Variants in XYLT1 observed in about 807,000 individuals in gnomAD.
XYLT1 encodes the protein beta-D-xylosyltransferase 1.
XYLT1 carries 36 observed loss-of-function variants against 91.3 expected under a neutral mutation model. That is an observed-to-expected ratio of 0.39 (90% CI 0.30 to 0.52). The LOEUF is 0.52. Ranked by LOEUF, XYLT1 falls within the 20% of genes least tolerant of loss-of-function variation. The probability of loss-of-function intolerance (pLI) is 0.68; values close to 1 mark genes in which losing one functional copy is unlikely to be tolerated. For missense variants in XYLT1, 1,242 were observed against 1,284.5 expected, an observed-to-expected ratio of 0.97 and a Z score of 0.51; for synonymous variants, 588 against 532.0, an observed-to-expected ratio of 1.11 and a Z score of -1.45.
chr16:17,264,686 T>G (rs989548150), intron 2 of XYLT1, among the ~76,000 whole-genome samples: 1 of 152,194 alleles, frequency 6.6e-6, no homozygotes, highest in African/African-American at 2.4e-5. Context: ...AAGTGGCCCA[T>G]GCTCTGTGTC....
At chr16:17,428,465 A>G (rs192137611) in intron 1 of XYLT1, among the ~76,000 whole-genome samples, 478 of 152,292 alleles carry the variant, frequency 3.1e-3, no homozygotes, top group Admixed American at 5.9e-3. Context: ...CTGTTGAGAG[A>G]ATTAAGAGAT....
At chr16:17,233,807 T>C (rs547100920) in intron 3 of XYLT1, among the ~76,000 whole-genome samples, 21 of 152,300 alleles carry the variant, frequency 1.4e-4, no homozygotes, top group African/African-American at 5.1e-4. Context: ...ACTCCAGGCA[T>C]TGACATCCTG....
chr16:17,326,808 G>C (rs2034809710), intron 2 of XYLT1, among the ~76,000 whole-genome samples: 1 of 151,244 alleles, frequency 6.6e-6, no homozygotes, highest in African/African-American at 2.4e-5. Flanking sequence ...CTGGGTGACA[G>C]AGTGAGACTC....
In XYLT1 at chr16:17,259,142, C is replaced by T; in HGVS notation, c.759G>A (p.Gln253=). Reference sequence around the variant, plus strand: ...TGCCTGAGATGTCACACTTAGGGGGCTGGTCATACTTGGTCTCGGGGGAGC... The same window carrying T: ...TGCCTGAGATGTCACACTTAGGGGGTTGGTCATACTTGGTCTCGGGGGAGC... ...GGSSPETKYD[Q]PPKCDISGKE... is the part of the protein sequence containing the mutation. The change falls in exon 3 of 12, where the codon CAG becomes CAA. Residue 253 remains glutamine, a synonymous_variant. Coordinates refer to ENST00000261381, the MANE Select transcript of XYLT1 (RefSeq NM_022166.4). 4 of 1,591,628 alleles carry T rather than the reference C, an allele frequency of 2.5e-6. No individual in the cohort carries two copies. The highest frequency in any genetic ancestry group is 1.7e-4 in the Middle Eastern group (1 of 5,876).
intron 5 of XYLT1, among the ~76,000 whole-genome samples, chr16:17,181,556 T>C (rs1359628848): frequency 6.6e-6 from 1 of 152,212 alleles, no homozygotes; most frequent in African/African-American, 2.4e-5. Flanking sequence ...CTAACAATCC[T>C]ATGAGGAAAG....
At chr16:17,127,925 C>A in intron 9 of XYLT1, 64 bp from the exon 10 acceptor site, 1 of 1,499,110 alleles carries the variant, frequency 6.7e-7, no homozygotes, top group Non-Finnish European at 9.0e-7. Context: ...AGGCTCCCCA[C>A]CCACCAAGCT....
chr16:17,454,446 A>G (rs2036708731), intron 1 of XYLT1, among the ~76,000 whole-genome samples: 1 of 152,204 alleles, frequency 6.6e-6, no homozygotes, highest in Non-Finnish European at 1.5e-5. Flanking sequence ...GCAACTACTC[A>G]ATTGTGCTGT....
chr16:17,278,509 A>G (rs79309059), intron 2 of XYLT1, among the ~76,000 whole-genome samples: 47 of 152,254 alleles, frequency 3.1e-4, no homozygotes, highest in Middle Eastern at 3.4e-3. Flanking sequence ...GGATTTCCAC[A>G]CTGTCTACTA....
intron 1 of XYLT1, among the ~76,000 whole-genome samples, chr16:17,456,949 T>C (rs1406080910): frequency 1.3e-5 from 2 of 152,150 alleles, no homozygotes; most frequent in Non-Finnish European, 2.9e-5. Flanking sequence ...TAATAGATAA[T>C]AGCAATTATT....
In XYLT1 at chr16:17,327,361, C is replaced by CT. The variant is rs138879762; in HGVS notation, c.402+30650dup. 8.9e-3 allele frequency among the ~76,000 whole-genome samples: 957 copies of CT among 108,040 alleles called. 16 individuals are homozygous for CT. Among genetic ancestry groups the CT allele is most frequent in the Middle Eastern group, 0.026 (5 of 196 alleles). 70.9% of individuals were successfully genotyped at this position (108,040 alleles called of 152,430 possible). Reference sequence around the variant, plus strand: ...ACAACTTCCTTTTCTTTTCTTTTTTCTTTTTTTTTTTTTTTTTTTGAGATA... The same window carrying CT: ...ACAACTTCCTTTTCTTTTCTTTTTTCTTTTTTTTTTTTTTTTTTTTGAGATA... On this transcript the variant is annotated intron_variant, in intron 2 of 11. Coordinates refer to ENST00000261381, the MANE Select transcript of XYLT1 (RefSeq NM_022166.4).
intron 3 of XYLT1, among the ~76,000 whole-genome samples, chr16:17,205,835 C>G (rs1368665530): frequency 6.6e-6 from 1 of 152,196 alleles, no homozygotes; most frequent in Non-Finnish European, 1.5e-5. Flanking sequence ...ACTCTACCAA[C>G]AAAGCCCTCG....
At chr16:17,377,510 G>C (rs73525147) in intron 1 of XYLT1, among the ~76,000 whole-genome samples, 5,817 of 152,086 alleles carry the variant, frequency 0.038, 373 homozygotes, top group African/African-American at 0.13. Context: ...CTTTGAGAAT[G>C]GCTTATTTAG....
At chr16:17,121,251 A>G (rs532350722) in intron 10 of XYLT1, among the ~76,000 whole-genome samples, 2 of 152,326 alleles carry the variant, frequency 1.3e-5, no homozygotes, top group East Asian at 3.9e-4. Flanking sequence ...GAGGATAAAC[A>G]CTTCCCTGAA....
At chr16:17,385,973 C>A (rs1169219044) in intron 1 of XYLT1, among the ~76,000 whole-genome samples, 7 of 152,190 alleles carry the variant, frequency 4.6e-5, no homozygotes, top group African/African-American at 1.7e-4. Flanking sequence ...GGGTAAATGA[C>A]TTAAAACATG....
intron 6 of XYLT1, among the ~76,000 whole-genome samples, chr16:17,143,780 G>A (rs1003156163): frequency 2.0e-4 from 29 of 145,996 alleles, no homozygotes; most frequent in Non-Finnish European, 3.3e-4. Flanking sequence ...CACCACCATC[G>A]TCATCATCAC....
chr16:17,279,866 C>T (rs1297632309), intron 2 of XYLT1, among the ~76,000 whole-genome samples: 6 of 152,172 alleles, frequency 3.9e-5, no homozygotes, highest in South Asian at 2.1e-4. Context: ...TTGGGCACCC[C>T]GCCCTCTGCC....
chr16:17,272,921 T>C (rs1025614235), intron 2 of XYLT1, among the ~76,000 whole-genome samples: 5 of 152,106 alleles, frequency 3.3e-5, no homozygotes, highest in Admixed American at 2.6e-4. Context: ...CCTAATGAGG[T>C]GTTCTGGAAG....
At chr16:17,412,619 C>A (rs1192091888) in intron 1 of XYLT1, among the ~76,000 whole-genome samples, 1 of 152,036 alleles carries the variant, frequency 6.6e-6, no homozygotes, top group Non-Finnish European at 1.5e-5. Flanking sequence ...TAAAGAGGCT[C>A]TAAAGATTCT....
intron 1 of XYLT1, among the ~76,000 whole-genome samples, chr16:17,378,054 G>T (rs747520787): frequency 8.5e-5 from 13 of 152,144 alleles, no homozygotes; most frequent in Non-Finnish European, 1.8e-4. Context: ...GGTCAAACCT[G>T]TCTACAGTAC....
Sources: allele counts gnomAD v4.1 joint callset (sites outside exome capture counted in the v4.1 genomes callset), GRCh38; gene constraint gnomAD v4.1.1; transcripts MANE v1.5; gene names NCBI Gene and HGNC (gene_info 2026-07-23, HGNC 2026-07-21).